Variants in PLCB1 observed in about 807,000 individuals in gnomAD.
The protein encoded by PLCB1 is 1-phosphatidylinositol 4,5-bisphosphate phosphodiesterase beta-1.
Under a neutral mutation model 161.8 loss-of-function variants are expected in PLCB1, and 46 were observed. That is an observed-to-expected ratio of 0.28 (90% CI 0.22 to 0.36). The LOEUF (loss-of-function observed/expected upper bound fraction) is 0.36. Ranked by LOEUF, PLCB1 falls within the 10% of genes least tolerant of loss-of-function variation. The pLI is 1.00. For synonymous variants in PLCB1, 517 were observed against 503.7 expected, an observed-to-expected ratio of 1.03 and a Z score of -0.35; for missense variants, 1,016 against 1,472.5, an observed-to-expected ratio of 0.69 and a Z score of 5.07.
intron 20 of PLCB1, among the ~76,000 whole-genome samples, chr20:8,738,684 A>G (rs1465855143): frequency 2.0e-5 from 3 of 152,214 alleles, no homozygotes; most frequent in Non-Finnish European, 4.4e-5. Flanking sequence ...TGTTCATGTA[A>G]AAATAAAACA....
At position 8,883,197 on chromosome 20, in the gene PLCB1, T is replaced by C. The variant is rs1474069569; in HGVS notation, c.*1348T>C. The C allele has an allele frequency of 2.0e-5, 3 of 152,116 alleles. No individual in the cohort carries two copies. Among genetic ancestry groups the C allele is most frequent in the African/African-American group, 7.2e-5 (3 of 41,420 alleles). 9.4% of individuals were successfully genotyped at this position (152,116 alleles called of 1,614,324 possible). ...TCAAAAAATTAGGACAGAAATAATA[T>C]GGACATTTATTAGTATCTTCCATAA... On this transcript the variant is annotated 3_prime_UTR_variant, in exon 32 of 32. Coordinates refer to ENST00000338037, the MANE Select transcript of PLCB1 (RefSeq NM_015192.4).
At chr20:8,485,772 A>T (rs1216898585) in intron 3 of PLCB1, among the ~76,000 whole-genome samples, 1 of 152,226 alleles carries the variant, frequency 6.6e-6, no homozygotes, top group Non-Finnish European at 1.5e-5. Context: ...TTTCCATCAC[A>T]TAGGGAAAGC....
At chr20:8,460,333 T>C (rs1422603863) in intron 3 of PLCB1, among the ~76,000 whole-genome samples, 1 of 152,210 alleles carries the variant, frequency 6.6e-6, no homozygotes, top group Non-Finnish European at 1.5e-5. Context: ...AATATCATTT[T>C]TAGAGACATG....
intron 3 of PLCB1, among the ~76,000 whole-genome samples, chr20:8,618,510 A>G (rs1988091623): frequency 6.6e-6 from 1 of 152,178 alleles, no homozygotes; most frequent in Non-Finnish European, 1.5e-5. Flanking sequence ...CAAAAAGGAA[A>G]AAAAAAAAGT....
chr20:8,562,058 C>T (rs6039193), intron 3 of PLCB1, among the ~76,000 whole-genome samples: 7 of 151,710 alleles, frequency 4.6e-5, no homozygotes, highest in African/African-American at 1.7e-4. Flanking sequence ...GAAGAGCAAA[C>T]GGTCTTCGCT....
chr20:8,438,449 C>A (rs868183407), intron 3 of PLCB1, among the ~76,000 whole-genome samples: 1 of 152,018 alleles, frequency 6.6e-6, no homozygotes, highest in Non-Finnish European at 1.5e-5. Flanking sequence ...TTCTAATGGG[C>A]AAAAGACAAA....
intron 2 of PLCB1, among the ~76,000 whole-genome samples, chr20:8,298,717 ATAAT>A (rs1983753235): frequency 6.6e-6 from 1 of 152,174 alleles, no homozygotes; most frequent in African/African-American, 2.4e-5. Context: ...AGAAAAATAA[ATAAT>A]TGCATGTAAA....
chr20:8,205,825 G>A (rs1291096068), intron 2 of PLCB1, among the ~76,000 whole-genome samples: 2 of 152,062 alleles, frequency 1.3e-5, no homozygotes, highest in Admixed American at 1.3e-4. Flanking sequence ...GGTTGGATAG[G>A]ATGACCACGA....
chr20:8,252,555 A>G (rs555487165), intron 2 of PLCB1, among the ~76,000 whole-genome samples: 1 of 152,058 alleles, frequency 6.6e-6, no homozygotes, highest in Non-Finnish European at 1.5e-5. Flanking sequence ...ATTAGAATAC[A>G]TTTTGATGAA....
chr20:8,475,010 GACACACAC>G (rs11468682), intron 3 of PLCB1, among the ~76,000 whole-genome samples: 1 of 147,584 alleles, frequency 6.8e-6, no homozygotes, highest in African/African-American at 2.5e-5. Flanking sequence ...CACACACACA[GACACACAC>G]ACACACACAC....
At chr20:8,718,585 C>T (rs1979462294) in intron 14 of PLCB1, among the ~76,000 whole-genome samples, 1 of 152,204 alleles carries the variant, frequency 6.6e-6, no homozygotes, top group Non-Finnish European at 1.5e-5. Context: ...TGACCACAGG[C>T]AGGAAATGTC....
chr20:8,735,815 A>T (rs1292803993), intron 19 of PLCB1, among the ~76,000 whole-genome samples: 1 of 152,218 alleles, frequency 6.6e-6, no homozygotes, highest in East Asian at 1.9e-4. Context: ...GGTCCCATGC[A>T]CTCAAGCCAA....
chr20:8,804,710 C>G (rs56689365), intron 31 of PLCB1, among the ~76,000 whole-genome samples: 9,719 of 152,114 alleles, frequency 0.064, 862 homozygotes, highest in African/African-American at 0.2. Flanking sequence ...GTACATAAGG[C>G]CGGGCATGGT....
intron 31 of PLCB1, among the ~76,000 whole-genome samples, chr20:8,837,712 A>T (rs1303298391): frequency 1.3e-5 from 2 of 152,208 alleles, no homozygotes; most frequent in East Asian, 3.8e-4. Context: ...ACCTTTCACC[A>T]TAACTGTGGG....
chr20:8,579,333 C>T (rs1185990701), intron 3 of PLCB1, among the ~76,000 whole-genome samples: 1 of 152,214 alleles, frequency 6.6e-6, no homozygotes, highest in Non-Finnish European at 1.5e-5. Context: ...AGCTGAGTAT[C>T]CACAGTTGTC....
At chr20:8,441,157 GA>G (rs1162313380) in intron 3 of PLCB1, among the ~76,000 whole-genome samples, 1 of 152,148 alleles carries the variant, frequency 6.6e-6, no homozygotes, top group Admixed American at 6.6e-5. Context: ...TCTACAATTA[GA>G]ATTAAATCGT....
At chr20:8,622,774 T>C (rs1988221113) in intron 3 of PLCB1, among the ~76,000 whole-genome samples, 1 of 152,096 alleles carries the variant, frequency 6.6e-6, no homozygotes, top group Non-Finnish European at 1.5e-5. Flanking sequence ...TTTGATTGGG[T>C]CAGCTTCTGG....
At chr20:8,470,203 A>T (rs1012360170) in intron 3 of PLCB1, among the ~76,000 whole-genome samples, 2 of 152,162 alleles carry the variant, frequency 1.3e-5, no homozygotes, top group South Asian at 4.1e-4. Flanking sequence ...CCACTTCCAC[A>T]CTTTGGCTGT....
At chr20:8,724,379 A>G (rs1460789575) in intron 15 of PLCB1, among the ~76,000 whole-genome samples, 1 of 152,062 alleles carries the variant, frequency 6.6e-6, no homozygotes, top group Non-Finnish European at 1.5e-5. Flanking sequence ...AAGATCAGGC[A>G]TTTCTAAATG....
Sources: allele counts gnomAD v4.1 joint callset (sites outside exome capture counted in the v4.1 genomes callset), GRCh38; gene constraint gnomAD v4.1.1; transcripts MANE v1.5; gene names NCBI Gene and HGNC (gene_info 2026-07-23, HGNC 2026-07-21).